Variants in VWF observed in about 807,000 individuals in gnomAD.
VWF encodes the protein Factor VIII related antigen.
In VWF, 176 loss-of-function variants were observed where a neutral mutation model predicts 308.6. The observed-to-expected ratio is 0.57, with a 90% CI of 0.50 to 0.65. VWF has a LOEUF of 0.65. Ranked by LOEUF, VWF falls within the 30% of genes least tolerant of loss-of-function variation. VWF has a pLI of 0.00. For missense variants in VWF, 3,146 were observed against 3,648.2 expected (o/e 0.86, Z 3.55); for synonymous variants, 1,385 against 1,443.4 (o/e 0.96, Z 0.92).
intron 6 of VWF, among the ~76,000 whole-genome samples, chr12:6,085,802 A>G (rs558144883): frequency 6.6e-6 from 1 of 152,248 alleles, no homozygotes; most frequent in South Asian, 2.1e-4. Flanking sequence ...AACCTAAATG[A>G]TGGGTTGATA....
chr12:6,032,910 G>A (rs1288453686), intron 20 of VWF, among the ~76,000 whole-genome samples: 2 of 145,850 alleles, frequency 1.4e-5, no homozygotes, highest in African/African-American at 2.6e-5. Flanking sequence ...ATACACACAC[G>A]TAGCCATACA....
rs1229563586 is a variant in VWF at position 6,103,395 on chromosome 12, T to TACACGTGTGTGTATAC, written c.532+6963_532+6978dup. Reference sequence around the variant, plus strand: ...GTGTGTGTGTATACACGTGTGTGTATACACGTGTGTGTATACACACGTGTG... The same window carrying TACACGTGTGTGTATAC: ...GTGTGTGTGTATACACGTGTGTGTATACACGTGTGTGTATACACACGTGTGTGTATACACACGTGTG... On this transcript the variant is annotated intron_variant, in intron 5 of 51. Coordinates refer to ENST00000261405, the MANE Select transcript of VWF (RefSeq NM_000552.5). 1.4e-3 allele frequency among the ~76,000 whole-genome samples: 154 copies of TACACGTGTGTGTATAC among 106,628 alleles called. 5 individuals carry two copies. Among genetic ancestry groups the TACACGTGTGTGTATAC allele is most frequent in the Admixed American group, 3.9e-3 (47 of 12,002 alleles). 70.0% of individuals were successfully genotyped at this position (106,628 alleles called of 152,430 possible).
At chr12:6,012,851 G>A (rs1426332433) in intron 32 of VWF, among the ~76,000 whole-genome samples, 1 of 151,818 alleles carries the variant, frequency 6.6e-6, no homozygotes, top group African/African-American at 2.4e-5. Flanking sequence ...ACAGGTGCCC[G>A]CCACCACGCC....
At chr12:6,007,041 T>C (rs1483906490) in intron 34 of VWF, among the ~76,000 whole-genome samples, 1 of 152,138 alleles carries the variant, frequency 6.6e-6, no homozygotes, top group African/African-American at 2.4e-5. Flanking sequence ...CAGGAAGATA[T>C]AAGTACATTG....
intron 15 of VWF, among the ~76,000 whole-genome samples, chr12:6,054,481 T>C (rs1255480533): frequency 6.6e-6 from 1 of 152,248 alleles, no homozygotes; most frequent in African/African-American, 2.4e-5. Flanking sequence ...TCTCTAGGGC[T>C]GGCTTGGAGC....
At chr12:5,949,700 T>A (rs976429523) in intron 51 of VWF, 86 bp downstream of exon 51, 1 of 1,359,790 alleles carries the variant, frequency 7.4e-7, no homozygotes, top group Non-Finnish European at 1.1e-6. Flanking sequence ...ATTTTCCAGA[T>A]CCTTCTAGAA....
intron 20 of VWF, among the ~76,000 whole-genome samples, chr12:6,032,109 C>G (rs911441377): frequency 6.6e-6 from 1 of 152,132 alleles, no homozygotes; most frequent in African/African-American, 2.4e-5. Flanking sequence ...AGCTCTGGTC[C>G]TTGTTGGTCA....
chr12:6,052,656 TG>T lies in VWF; in HGVS notation c.2072del (p.Pro691GlnfsTer50), dbSNP rs267607309. 4 of 1,614,082 alleles carry T rather than the reference TG, an allele frequency of 2.5e-6. No individual in the cohort carries two copies. The highest frequency in any genetic ancestry group is 3.4e-6 in the Non-Finnish European group (4 of 1,180,040). ...CCCCCCTCTCATCCATGTAGAGCCC[TG>T]GGGGGCAGAAGCAGCCCTCCAGGCA... ...EACLEGCFCP[P>X]GLYMDERGDC... On this transcript the variant is annotated frameshift_variant, in exon 16 of 52. Transcript: ENST00000261405. LOFTEE classifies it high-confidence loss of function.
At chr12:6,108,845 G>A (rs1446026922) in intron 5 of VWF, among the ~76,000 whole-genome samples, 1 of 151,960 alleles carries the variant, frequency 6.6e-6, no homozygotes, top group Non-Finnish European at 1.5e-5. Flanking sequence ...GCCAGGCATG[G>A]TGGCGGGTGC....
intron 43 of VWF, 130 bp from the exon 44 acceptor site, chr12:5,971,839 G>C (rs908426335): frequency 1.2e-6 from 1 of 812,328 alleles, no homozygotes; most frequent in Non-Finnish European, 2.1e-6. Context: ...TTTCATCTTT[G>C]TTGTCAACCA....
chr12:5,976,250 T>G lies in VWF; in HGVS notation c.7298A>C (p.His2433Pro), dbSNP rs1943532125. Residue 2433 changes from histidine (H) to proline (P), a missense_variant, in exon 43 of 52, where the codon CAC (histidine) becomes CCC (proline). By Grantham distance (77) the His-to-Pro change is moderately conservative. This residue lies in a region of VWF where 989 missense variants were observed against 1,117.4 expected (regional missense o/e 0.89). Transcript: ENST00000261405. Reference protein sequence around the residue: ...TTCLPDKVCVHRSTIYPVGQF... With the variant: ...TTCLPDKVCVPRSTIYPVGQF... Reference sequence around the variant, plus strand: ...GCCCACAGGGTAGATGGTGCTTCGGTGGACACACACCTGTAGACATAAGTT... The same window carrying G: ...GCCCACAGGGTAGATGGTGCTTCGGGGGACACACACCTGTAGACATAAGTT... The G allele has an allele frequency of 6.2e-7, 1 of 1,614,126 alleles. No homozygotes were observed. Among genetic ancestry groups the G allele is most frequent in the Non-Finnish European group, 8.5e-7 (1 of 1,180,024 alleles).
chr12:6,029,977 A>G (rs36067650), intron 21 of VWF, among the ~76,000 whole-genome samples: 38,171 of 152,052 alleles, frequency 0.25, 5,128 homozygotes, highest in African/African-American at 0.32. Context: ...AGAGCTGAAG[A>G]AAAAGGAAAC....
At chr12:5,952,299 G>A (rs1396341078) in intron 49 of VWF, 92 bp downstream of exon 49, 4 of 1,568,012 alleles carry the variant, frequency 2.6e-6, no homozygotes, top group Non-Finnish European at 3.5e-6. Flanking sequence ...CAGACACTGA[G>A]AAATTATGCC....
At chr12:6,072,676 G>A (rs1944794673) in intron 8 of VWF, among the ~76,000 whole-genome samples, 1 of 152,158 alleles carries the variant, frequency 6.6e-6, no homozygotes, top group African/African-American at 2.4e-5. Flanking sequence ...CAGTAGGGGA[G>A]GCACAAGTCT....
intron 15 of VWF, among the ~76,000 whole-genome samples, chr12:6,055,763 C>CACACACAT (rs1288100389): frequency 7.0e-6 from 1 of 143,676 alleles, no homozygotes; most frequent in Non-Finnish European, 1.5e-5. Context: ...TATATGTATA[C>CACACACAT]ACACACACAC....
chr12:6,000,680 C>T (rs1275394164), intron 34 of VWF, among the ~76,000 whole-genome samples: 1 of 151,376 alleles, frequency 6.6e-6, no homozygotes, highest in Non-Finnish European at 1.5e-5. Flanking sequence ...GGCGTGGTGG[C>T]GGGCGCCTGT....
intron 6 of VWF, among the ~76,000 whole-genome samples, chr12:6,081,282 A>T (rs1197430434): frequency 1.3e-5 from 2 of 152,128 alleles, no homozygotes; most frequent in Admixed American, 1.3e-4. Flanking sequence ...AGCCTTTCAG[A>T]TTTAGAAACT....
At chr12:6,047,642 CA>C (rs1234047992) in intron 16 of VWF, among the ~76,000 whole-genome samples, 3 of 152,238 alleles carry the variant, frequency 2.0e-5, no homozygotes, top group African/African-American at 7.2e-5. Context: ...TAACTGACTG[CA>C]TATTTTTATA....
At chr12:6,050,747 G>A (rs886306662) in intron 16 of VWF, among the ~76,000 whole-genome samples, 2 of 152,138 alleles carry the variant, frequency 1.3e-5, no homozygotes, top group Admixed American at 6.5e-5. Flanking sequence ...ATCATTTGAG[G>A]TCAGGAGTTC....
Sources: gnomAD v4.1 joint callset for allele counts (sites outside exome capture counted in the v4.1 genomes callset) on GRCh38, gnomAD v4.1.1 for gene constraint, gnomAD v4.1.1 regional missense constraint, MANE v1.5 for transcripts, NCBI Gene and HGNC (gene_info 2026-07-23, HGNC 2026-07-21) for gene names.